The following NR2F1-AS1 variants were observed in gnomAD, a reference collection of about 807,000 sequenced individuals.
NR2F1-AS1 encodes the protein NR2F1 antisense RNA 1.
At chr5:93,529,132 C>G (rs1162267780) in intron 4 of NR2F1-AS1, among the ~76,000 whole-genome samples, 2 of 152,062 alleles carry the variant, frequency 1.3e-5, no homozygotes, top group South Asian at 4.1e-4. Flanking sequence ...CTTATGCTGA[C>G]AAGCCTTGAT....
intron 4 of NR2F1-AS1, among the ~76,000 whole-genome samples, chr5:93,537,357 T>A (rs1580313389): frequency 6.6e-6 from 1 of 151,484 alleles, no homozygotes. Flanking sequence ...ATTAACAGAG[T>A]GAAGAAACAA....
intron 4 of NR2F1-AS1, among the ~76,000 whole-genome samples, chr5:93,533,976 G>T (rs1751785328): frequency 6.6e-6 from 1 of 152,062 alleles, no homozygotes; most frequent in African/African-American, 2.4e-5. Context: ...CCAGCTACTT[G>T]GGAGGCTGAG....
intron 4 of NR2F1-AS1, among the ~76,000 whole-genome samples, chr5:93,475,809 A>AC (rs1389624701): frequency 1.3e-5 from 2 of 151,984 alleles, no homozygotes; most frequent in African/African-American, 2.4e-5. Flanking sequence ...TACAGCCTTG[A>AC]CCCCCCACGT....
chr5:93,532,758 G>A (rs1187359976), intron 4 of NR2F1-AS1, among the ~76,000 whole-genome samples: 1 of 152,194 alleles, frequency 6.6e-6, no homozygotes, highest in East Asian at 1.9e-4. Context: ...AGTGAAAACT[G>A]CAACATTTTG....
chr5:93,466,328 ATTC>A lies in NR2F1-AS1; in HGVS notation n.639-70789_639-70787del, dbSNP rs547199785. Among the ~76,000 whole-genome samples the A allele has an allele frequency of 2.1e-3, 318 of 149,954 alleles. 2 individuals carry two copies. The highest frequency in any genetic ancestry group is 2.4e-3 in the Non-Finnish European group (162 of 67,528). On this transcript the variant is annotated intron_variant and non_coding_transcript_variant, in intron 4 of 5. Coordinates refer to ENST00000660523, the Ensembl canonical transcript of NR2F1-AS1. Reference sequence around the variant, plus strand: ...TTTAATCACATACTGCCCTCAAAGAATTCTTTTTTTTTTTTTTCTTGAGACATG... The same window carrying A: ...TTTAATCACATACTGCCCTCAAAGAATTTTTTTTTTTTTTCTTGAGACATG...
At chr5:93,438,392 C>A (rs1749488918) in intron 4 of NR2F1-AS1, among the ~76,000 whole-genome samples, 1 of 152,168 alleles carries the variant, frequency 6.6e-6, no homozygotes, top group Non-Finnish European at 1.5e-5. Context: ...AAGTCAGAAA[C>A]CTGACCATCA....
intron 4 of NR2F1-AS1, chr5:93,411,185 T>C (rs2149838626): frequency 6.6e-6 from 1 of 152,366 alleles, no homozygotes; most frequent in Non-Finnish European, 1.5e-5. Flanking sequence ...ATAGTAAGTA[T>C]TCAATTAAGT....
intron 4 of NR2F1-AS1, among the ~76,000 whole-genome samples, chr5:93,507,501 G>C (rs1196712999): frequency 2.6e-5 from 4 of 152,086 alleles, no homozygotes; most frequent in Admixed American, 6.6e-5. Context: ...GGGATTACAG[G>C]TGCCTGCCAC....
chr5:93,578,172 G>A (rs2149933883), intron 1 of NR2F1-AS1, among the ~76,000 whole-genome samples: 1 of 152,296 alleles, frequency 6.6e-6, no homozygotes, highest in African/African-American at 2.4e-5. Context: ...TCTGGGGCCT[G>A]GAACGCAAGT....
At chr5:93,536,146 A>G (rs530611555) in intron 4 of NR2F1-AS1, among the ~76,000 whole-genome samples, 3 of 152,336 alleles carry the variant, frequency 2.0e-5, no homozygotes, top group African/African-American at 7.2e-5. Flanking sequence ...CTATATGCTA[A>G]TAGTGAACTA....
intron 4 of NR2F1-AS1, among the ~76,000 whole-genome samples, chr5:93,470,877 A>C (rs967260637): frequency 1.3e-5 from 2 of 151,870 alleles, no homozygotes; most frequent in African/African-American, 2.4e-5. Context: ...CAAATACTTT[A>C]ATTGCTCATT....
chr5:93,549,023 T>C (rs1752161054), intron 4 of NR2F1-AS1, among the ~76,000 whole-genome samples: 1 of 152,184 alleles, frequency 6.6e-6, no homozygotes, highest in African/African-American at 2.4e-5. Context: ...ATGTAATAAC[T>C]GATTATATAT....
At chr5:93,537,514 C>A (rs1392864418) in intron 4 of NR2F1-AS1, among the ~76,000 whole-genome samples, 1 of 152,016 alleles carries the variant, frequency 6.6e-6, no homozygotes, top group African/African-American at 2.4e-5. Flanking sequence ...AGACATTTCT[C>A]AAAAGACAAC....
intron 4 of NR2F1-AS1, among the ~76,000 whole-genome samples, chr5:93,497,268 G>A (rs1286887833): frequency 2.6e-5 from 4 of 152,162 alleles, no homozygotes; most frequent in Non-Finnish European, 4.4e-5. Context: ...AAATGACTTG[G>A]AGAGCAATGG....
chr5:93,584,037 G>C (rs1307090653), upstream of NR2F1-AS1: 1 of 151,852 alleles, frequency 6.6e-6, no homozygotes, highest in African/African-American at 2.4e-5. Context: ...GGCTGCGTCC[G>C]GCCCTGGACC....
intron 4 of NR2F1-AS1, among the ~76,000 whole-genome samples, chr5:93,434,831 T>A (rs1180659513): frequency 5.9e-5 from 9 of 152,174 alleles, no homozygotes; most frequent in Admixed American, 4.6e-4. Context: ...ATTTTTTTTA[T>A]AATTAGATTT....
chr5:93,585,037 T>C (rs1468965930), upstream of NR2F1-AS1: 4 of 1,027,888 alleles, frequency 3.9e-6, no homozygotes, highest in African/African-American at 1.7e-5. Flanking sequence ...GCAATGGTAG[T>C]TAGCAGCTGG....
chr5:93,507,067 T>C (rs954818905), intron 4 of NR2F1-AS1, among the ~76,000 whole-genome samples: 1 of 152,204 alleles, frequency 6.6e-6, no homozygotes, highest in Non-Finnish European at 1.5e-5. Flanking sequence ...TTTAGTAATG[T>C]AATCTGCCAT....
chr5:93,425,827 A>G (rs552023111), intron 4 of NR2F1-AS1, among the ~76,000 whole-genome samples: 3 of 152,020 alleles, frequency 2.0e-5, no homozygotes, highest in Non-Finnish European at 4.4e-5. Context: ...AATGTCTTAT[A>G]AAGTCTCTCT....
Sources: allele counts gnomAD v4.1 joint callset (sites outside exome capture counted in the v4.1 genomes callset), GRCh38; gene constraint gnomAD v4.1.1; transcripts MANE v1.5; gene names NCBI Gene and HGNC (gene_info 2026-07-23, HGNC 2026-07-21).